Variants in PTPRN2 observed in about 807,000 individuals in gnomAD.
PTPRN2 encodes the protein protein tyrosine phosphatase receptor type N2.
In PTPRN2, 74 loss-of-function variants were observed where a neutral mutation model predicts 118.8. That is an observed-to-expected ratio of 0.62 (90% CI 0.52 to 0.76). The LOEUF (loss-of-function observed/expected upper bound fraction) is 0.76, where lower values mean the gene tolerates loss of function less well. Ranked by LOEUF, PTPRN2 falls within the 30% of genes least tolerant of loss-of-function variation. The probability of loss-of-function intolerance (pLI) is 0.00; values close to 1 mark genes in which losing one functional copy is unlikely to be tolerated. For synonymous variants in PTPRN2, 641 were observed against 608.0 expected, an observed-to-expected ratio of 1.05 and a Z score of -0.80; for missense variants, 1,481 against 1,394.4, an observed-to-expected ratio of 1.06 and a Z score of -0.99.
intron 3 of PTPRN2, among the ~76,000 whole-genome samples, chr7:158,273,386 G>A (rs939879074): frequency 1.4e-5 from 2 of 145,434 alleles, no homozygotes; most frequent in Non-Finnish European, 2.9e-5. Context: ...TCCCAGCGTC[G>A]TGGATGCAGA....
chr7:158,475,361 G>A (rs1820177326), intron 2 of PTPRN2, among the ~76,000 whole-genome samples: 1 of 150,844 alleles, frequency 6.6e-6, no homozygotes, highest in Non-Finnish European at 1.5e-5. Context: ...AACAGCTTCA[G>A]CACCTGTTCT....
chr7:158,164,066 T>C (rs561447042), intron 6 of PTPRN2, among the ~76,000 whole-genome samples: 23 of 152,340 alleles, frequency 1.5e-4, no homozygotes, highest in African/African-American at 5.5e-4. Context: ...GCCAAGCACA[T>C]TGTGTAACTC....
intron 12 of PTPRN2, among the ~76,000 whole-genome samples, chr7:157,734,522 G>A (rs995669680): frequency 7.9e-5 from 12 of 152,298 alleles, no homozygotes; most frequent in Non-Finnish European, 1.6e-4. Context: ...GTAATGGATG[G>A]AAAAAGGCAG....
intron 1 of PTPRN2, among the ~76,000 whole-genome samples, chr7:158,566,240 G>A (rs1253388420): frequency 6.6e-6 from 1 of 152,072 alleles, no homozygotes; most frequent in African/African-American, 2.4e-5. Context: ...TGTTATCCCA[G>A]GCACTCAGGA....
chr7:158,024,868 C>T (rs1048438492), intron 11 of PTPRN2, among the ~76,000 whole-genome samples: 5 of 152,122 alleles, frequency 3.3e-5, no homozygotes, highest in African/African-American at 4.8e-5. Context: ...GTCATACACA[C>T]AGGAAGTTTT....
chr7:157,714,986 C>T (rs1798831062), intron 12 of PTPRN2, among the ~76,000 whole-genome samples: 1 of 152,228 alleles, frequency 6.6e-6, no homozygotes, highest in Non-Finnish European at 1.5e-5. Flanking sequence ...GAACGGCGCC[C>T]AGCCCCATGT....
chr7:158,359,197 C>T (rs577550995), intron 2 of PTPRN2, among the ~76,000 whole-genome samples: 4 of 152,316 alleles, frequency 2.6e-5, no homozygotes, highest in South Asian at 2.1e-4. Context: ...GGTGGGAAGA[C>T]GCTATCAATA....
intron 11 of PTPRN2, among the ~76,000 whole-genome samples, chr7:157,945,631 C>G (rs889079796): frequency 6.6e-6 from 1 of 151,774 alleles, no homozygotes; most frequent in Non-Finnish European, 1.5e-5. Context: ...CCAGCTTGGA[C>G]GATGCCGCCT....
At position 158,318,892 on chromosome 7, in the gene PTPRN2, C is replaced by T. The variant is rs887113236; in HGVS notation, c.164-1960G>A. Among the ~76,000 whole-genome samples, 4 of 152,220 alleles carry T rather than the reference C, an allele frequency of 2.6e-5. No individual in the cohort carries two copies. The South Asian group carries it at 6.2e-4, about 24-fold the overall frequency. On this transcript the variant is annotated intron_variant, in intron 2 of 22. Transcript: ENST00000389418. The stretch of plus-strand genomic sequence containing the variant: ...GAGAAGCACATCTGTGAGTAGCCAA[C>T]GCTTCGCAACATGCAGCTGAGGATC...
intron 2 of PTPRN2, among the ~76,000 whole-genome samples, chr7:158,334,116 TCA>T (rs1805091974): frequency 1.8e-5 from 1 of 54,804 alleles, no homozygotes; most frequent in Non-Finnish European, 3.9e-5. Context: ...CAGACGTCAC[TCA>T]CACCCACACT....
At position 158,237,771 on chromosome 7, in the gene PTPRN2, G is replaced by A. The variant is rs10249710; in HGVS notation, c.278-32498C>T. ...ACCCACCCCTACACTCTGCCACTTCGCCGCCACCCATGCTGCCATTGCACT... is the reference window on the plus strand; with the variant it reads ...ACCCACCCCTACACTCTGCCACTTCACCGCCACCCATGCTGCCATTGCACT... On this transcript the variant is annotated intron_variant, in intron 3 of 22. Transcript: ENST00000389418. 7.2e-3 allele frequency among the ~76,000 whole-genome samples: 759 copies of A among 105,300 alleles called. 25 individuals are homozygous for A. The highest frequency in any genetic ancestry group is 0.02 in the Middle Eastern group (4 of 204). The allele number at this position is 105,300 out of a possible 152,430, so 69.1% of individuals were successfully genotyped here.
chr7:158,393,297 T>C (rs1812084488), intron 2 of PTPRN2, among the ~76,000 whole-genome samples: 1 of 152,162 alleles, frequency 6.6e-6, no homozygotes, highest in African/African-American at 2.4e-5. Flanking sequence ...TTTAGAAAGG[T>C]CAAGTGTACT....
At chr7:158,163,054 T>A (rs1385647436) in intron 6 of PTPRN2, among the ~76,000 whole-genome samples, 1 of 152,196 alleles carries the variant, frequency 6.6e-6, no homozygotes, top group African/African-American at 2.4e-5. Flanking sequence ...GGGCCTCACA[T>A]CTTCAGAAAT....
rs183072168 is a variant in PTPRN2 at position 157,755,164 on chromosome 7, C to T, written c.1789-72227G>A. Reference sequence around the variant, plus strand: ...CCTCCCAAAGCGCTGGGATTACAGGCGTGAGCCACCACACCCAGACAATAT... The same window carrying T: ...CCTCCCAAAGCGCTGGGATTACAGGTGTGAGCCACCACACCCAGACAATAT... On this transcript the variant is annotated intron_variant, in intron 12 of 22. Transcript: ENST00000389418. Among the ~76,000 whole-genome samples the T allele has an allele frequency of 3.3e-4, 50 of 152,276 alleles. No individual in the cohort carries two copies. In the East Asian group the frequency reaches 7.9e-3, roughly 24 times the overall value.
chr7:158,361,709 A>G (rs1586459344), intron 2 of PTPRN2, among the ~76,000 whole-genome samples: 1 of 152,120 alleles, frequency 6.6e-6, no homozygotes, highest in Admixed American at 6.5e-5. Flanking sequence ...GGGGGATCCT[A>G]GGCAGGCATG....
At chr7:157,639,899 CAT>C (rs1804569803) in intron 14 of PTPRN2, among the ~76,000 whole-genome samples, 2 of 152,340 alleles carry the variant, frequency 1.3e-5, no homozygotes, top group South Asian at 2.1e-4. Context: ...GGCTCAAACA[CAT>C]GAGTGATCTG....
intron 12 of PTPRN2, among the ~76,000 whole-genome samples, chr7:157,807,334 C>T (rs567486283): frequency 3.9e-5 from 6 of 152,304 alleles, no homozygotes; most frequent in East Asian, 1.9e-4. Flanking sequence ...AGCCACAAGA[C>T]GGCTGCTTGG....
chr7:158,414,229 C>T lies in PTPRN2; in HGVS notation c.163+75506G>A, dbSNP rs148138202. Among the ~76,000 whole-genome samples the T allele has an allele frequency of 1.4e-4, 22 of 152,118 alleles. No individual in the cohort carries two copies. The East Asian group carries it at 3.7e-3, about 25-fold the overall frequency. ...CGAACGGCCCATAGCAGAGCTCTCC[C>T]GATGATGCAGGGCACACCAGGAGTG... On this transcript the variant is annotated intron_variant, in intron 2 of 22. Coordinates refer to ENST00000389418, the MANE Select transcript of PTPRN2 (RefSeq NM_002847.5).
intron 10 of PTPRN2, among the ~76,000 whole-genome samples, chr7:158,091,476 A>C (rs1214334519): frequency 6.6e-6 from 1 of 152,138 alleles, no homozygotes; most frequent in African/African-American, 2.4e-5. Flanking sequence ...TTGTTTGTTT[A>C]TTTTACTAGC....
Sources: gnomAD v4.1 joint callset for allele counts (sites outside exome capture counted in the v4.1 genomes callset) on GRCh38, gnomAD v4.1.1 for gene constraint, MANE v1.5 for transcripts, NCBI Gene and HGNC (gene_info 2026-07-23, HGNC 2026-07-21) for gene names.